PARD3: variants seen among roughly 807,000 people sequenced by gnomAD.
PARD3 encodes partitioning defective 3 homolog.
In PARD3, 75 loss-of-function variants were observed where a neutral mutation model predicts 155.4. The ratio of observed to expected loss-of-function variants is 0.48; its 90% CI spans 0.40 to 0.58. PARD3 has a LOEUF of 0.58. Among genes scored for constraint, PARD3 ranks in the 20% least tolerant of loss-of-function variants. The probability of loss-of-function intolerance (pLI) is 0.00; values close to 1 mark genes in which losing one functional copy is unlikely to be tolerated. For synonymous variants in PARD3, 576 were observed against 610.5 expected (o/e 0.94, Z 0.83); for missense variants, 1,642 against 1,721.7 (o/e 0.95, Z 0.82).
Position 34,605,881 on chromosome 10 carries a change from A to C in PARD3, c.223-88722T>G, listed in dbSNP as rs186387926. Among the ~76,000 whole-genome samples, 192 of 72,666 alleles carry C rather than the reference A, an allele frequency of 2.6e-3. 18 individuals carry two copies. The highest frequency in any genetic ancestry group is 0.014 in the Admixed American group (83 of 5,842). 47.7% of individuals were successfully genotyped at this position (72,666 alleles called of 152,430 possible). A position where few individuals can be genotyped will look rare whatever the true frequency, so the allele number is the denominator to read the frequency against. On this transcript the variant is annotated intron_variant, in intron 2 of 24. Coordinates refer to ENST00000374788, the MANE Select transcript of PARD3 (RefSeq NM_001184785.2). ...CTATATATATATCTCCTATATATAT[A>C]TCTCCTATATATATATCTCCTATAT... is the stretch of plus-strand genomic sequence containing the variant.
intron 2 of PARD3, among the ~76,000 whole-genome samples, chr10:34,543,214 T>C (rs1046088435): frequency 1.3e-5 from 2 of 151,992 alleles, no homozygotes. Context: ...GAGGCTACCA[T>C]GAGCCATAAT....
intron 1 of PARD3, among the ~76,000 whole-genome samples, chr10:34,745,959 G>A (rs145964672): frequency 0.031 from 4,693 of 152,008 alleles, 232 homozygotes; most frequent in African/African-American, 0.11. Flanking sequence ...AAAATTAGCC[G>A]GGCATGGTGG....
At chr10:34,520,132 C>T (rs2082054378) in intron 2 of PARD3, among the ~76,000 whole-genome samples, 1 of 152,072 alleles carries the variant, frequency 6.6e-6, no homozygotes, top group Non-Finnish European at 1.5e-5. Context: ...AATTACAGTC[C>T]TCATTTTATA....
chr10:34,349,036 T>C (rs1409032143), intron 14 of PARD3, among the ~76,000 whole-genome samples: 1 of 152,176 alleles, frequency 6.6e-6, no homozygotes, highest in East Asian at 1.9e-4. Context: ...TAACGCAGAC[T>C]GTGAGGTTCA....
At chr10:34,753,823 A>G (rs1217465183) in intron 1 of PARD3, among the ~76,000 whole-genome samples, 1 of 152,186 alleles carries the variant, frequency 6.6e-6, no homozygotes, top group African/African-American at 2.4e-5. Context: ...GGGGCTGCAC[A>G]AGCCATCTCA....
chr10:34,284,166 C>T lies in PARD3; in HGVS notation c.3145G>A (p.Glu1049Lys). Residue 1049 changes from glutamate (E) to lysine (K), a missense_variant, in exon 21 of 25, where the codon GAG becomes AAG. Around this residue, in one of 3 missense-constraint regions of PARD3, gnomAD observed 1,529 missense variants for 1,587.3 expected, o/e 0.96. Coordinates refer to ENST00000374788, the MANE Select transcript of PARD3 (RefSeq NM_001184785.2). ...TGCTCCTGCTTCATTCGTATCCTCT[C>T]CTCTTCTGATGTAAAGGATTCCTGT... is the stretch of plus-strand genomic sequence containing the variant. ...KIQESFTSEE[E>K]RIRMKQEQER... 6.2e-7 allele frequency: 1 copy of T among 1,605,510 alleles called. No individual in the cohort carries two copies.
chr10:34,803,428 T>A (rs12765143), intron 1 of PARD3, among the ~76,000 whole-genome samples: 26,500 of 152,112 alleles, frequency 0.17, 3,076 homozygotes, highest in Non-Finnish European at 0.25. Context: ...CACTTTCAGC[T>A]AACGGTGTTT....
intron 2 of PARD3, among the ~76,000 whole-genome samples, chr10:34,671,018 C>T (rs1198903596): frequency 6.6e-6 from 1 of 152,200 alleles, no homozygotes; most frequent in Non-Finnish European, 1.5e-5. Context: ...CGGACAGAGG[C>T]AGATGAGGTA....
intron 22 of PARD3, among the ~76,000 whole-genome samples, chr10:34,185,535 T>C (rs1186369905): frequency 6.6e-6 from 1 of 152,186 alleles, no homozygotes; most frequent in Non-Finnish European, 1.5e-5. Flanking sequence ...ATTTTTTTTC[T>C]TTTTTCTGTT....
rs1166742358 is a variant in PARD3 at position 34,166,462 on chromosome 10, T to TA, written c.3420-34880_3420-34879insT. ...ATCCTGTCTCTACAAAAAATATATA[T>TA]TTTTTAATTAGCTGGGGGATGGTGG... On this transcript the variant is annotated intron_variant, in intron 22 of 24. Transcript: ENST00000374788. Among the ~76,000 whole-genome samples the TA allele has an allele frequency of 2.0e-5, 3 of 152,052 alleles. No individual in the cohort carries two copies. The East Asian group carries it at 5.8e-4, about 29-fold the overall frequency.
At chr10:34,341,440 T>C (rs1836820658) in intron 16 of PARD3, among the ~76,000 whole-genome samples, 187 bp downstream of exon 16, 1 of 152,202 alleles carries the variant, frequency 6.6e-6, no homozygotes, top group Admixed American at 6.5e-5. Context: ...CTATAGCTCT[T>C]GAAGGCTAAA....
intron 3 of PARD3, among the ~76,000 whole-genome samples, chr10:34,478,509 A>C (rs766307891): frequency 6.6e-6 from 1 of 152,222 alleles, no homozygotes; most frequent in African/African-American, 2.4e-5. Flanking sequence ...TCCAACACAC[A>C]TAAGGAGGGA....
rs542727853 is a variant in PARD3 at position 34,230,362 on chromosome 10, A to T, written c.3419+39295T>A. On this transcript the variant is annotated intron_variant, in intron 22 of 24. Coordinates refer to ENST00000374788, the MANE Select transcript of PARD3 (RefSeq NM_001184785.2). ...TCATCCCCTTCTACCTCTACTCCAG[A>T]CCTCTGCATGAAGGCAGATTCCGTT... 2.0e-5 allele frequency among the ~76,000 whole-genome samples: 3 copies of T among 152,160 alleles called. No homozygotes were observed. In the South Asian group the frequency reaches 6.2e-4, roughly 32 times the overall value.
chr10:34,352,758 G>A (rs1220319402), intron 14 of PARD3, among the ~76,000 whole-genome samples: 9 of 152,104 alleles, frequency 5.9e-5, no homozygotes, highest in African/African-American at 1.9e-4. Flanking sequence ...GCCTCTGCCC[G>A]GCCGCGACCC....
At position 34,379,312 on chromosome 10, in the gene PARD3, C is replaced by G. The variant is rs568153536; in HGVS notation, c.1400-1206G>C. Among the ~76,000 whole-genome samples the G allele has an allele frequency of 8.3e-4, 127 of 152,234 alleles. 1 individual carries two copies. Among genetic ancestry groups the G allele is most frequent in the African/African-American group, 3.0e-3 (125 of 41,580 alleles). On this transcript the variant is annotated intron_variant, in intron 9 of 24. Coordinates refer to ENST00000374788, the MANE Select transcript of PARD3 (RefSeq NM_001184785.2). ...AAACACTCCATAGTTATTCCTGTAGCAAAACCTACCATAGTTATTCTCAAC... is the reference window on the plus strand; with the variant it reads ...AAACACTCCATAGTTATTCCTGTAGGAAAACCTACCATAGTTATTCTCAAC...
At chr10:34,779,427 G>A (rs1588709325) in intron 1 of PARD3, among the ~76,000 whole-genome samples, 1 of 151,850 alleles carries the variant, frequency 6.6e-6, no homozygotes. Context: ...TGGCTAACAC[G>A]GTGAAACCCC....
chr10:34,599,424 T>C (rs564808327), intron 2 of PARD3, among the ~76,000 whole-genome samples: 3 of 152,254 alleles, frequency 2.0e-5, no homozygotes, highest in Admixed American at 6.5e-5. Context: ...ATTCCACTCA[T>C]TGGAAGATTA....
intron 1 of PARD3, among the ~76,000 whole-genome samples, chr10:34,795,886 C>T (rs1223105839): frequency 1.3e-5 from 2 of 149,272 alleles, no homozygotes; most frequent in African/African-American, 2.5e-5. Context: ...AAGAGTGAAA[C>T]TCCATCTCAA....
intron 4 of PARD3, among the ~76,000 whole-genome samples, chr10:34,462,599 C>T (rs935813526): frequency 4.1e-4 from 62 of 152,014 alleles, no homozygotes; most frequent in African/African-American, 1.4e-3. Context: ...AATCCAAACA[C>T]ATTGGGAGGC....
Sources: gnomAD v4.1 joint callset for allele counts (sites outside exome capture counted in the v4.1 genomes callset) on GRCh38, gnomAD v4.1.1 for gene constraint, gnomAD v4.1.1 regional missense constraint, MANE v1.5 for transcripts, NCBI Gene and HGNC (gene_info 2026-07-23, HGNC 2026-07-21) for gene names.